The following PIEZO2 variants were observed in gnomAD, a reference collection of about 807,000 sequenced individuals.
The protein encoded by PIEZO2 is piezo type mechanosensitive ion channel component 2.
In PIEZO2, 172 loss-of-function variants were observed where a neutral mutation model predicts 337.3. The observed-to-expected ratio is 0.51, with a 90% CI of 0.45 to 0.58. The LOEUF (loss-of-function observed/expected upper bound fraction) is 0.58. Among genes scored for constraint, PIEZO2 ranks in the 20% least tolerant of loss-of-function variants. PIEZO2 has a pLI of 0.00. For synonymous variants in PIEZO2, 1,251 were observed against 1,228.5 expected (o/e 1.02, Z -0.38); for missense variants, 3,028 against 3,391.3 (o/e 0.89, Z 2.66).
At position 10,903,404 on chromosome 18, in the gene PIEZO2, A is replaced by T. The variant is rs1322082137; in HGVS notation, c.329+7782T>A. On this transcript the variant is annotated intron_variant, in intron 4 of 55. Coordinates refer to ENST00000674853, the MANE Select transcript of PIEZO2 (RefSeq NM_001378183.1). The surrounding 1 kb of genome is among the most constrained non-coding windows in gnomAD (Gnocchi z 4.1). ...GATTCAAGGCCAGGCACGGTGGCTCACGCCTGTAATCCCAGCACTTTGAGA... is the reference window on the plus strand; with the variant it reads ...GATTCAAGGCCAGGCACGGTGGCTCTCGCCTGTAATCCCAGCACTTTGAGA... Among the ~76,000 whole-genome samples the T allele has an allele frequency of 1.3e-5, 2 of 152,188 alleles. No individual in the cohort carries two copies. Among genetic ancestry groups the T allele is most frequent in the African/African-American group, 4.8e-5 (2 of 41,440 alleles).
At chr18:11,041,900 G>T (rs117099074) in intron 2 of PIEZO2, among the ~76,000 whole-genome samples, 1,780 of 152,294 alleles carry the variant, frequency 0.012, 30 homozygotes, top group Non-Finnish European at 0.019. Flanking sequence ...CTCTAGGACT[G>T]AGCAGAAAGA....
At chr18:11,017,790 C>G (rs1388691279) in intron 2 of PIEZO2, among the ~76,000 whole-genome samples, 3 of 152,086 alleles carry the variant, frequency 2.0e-5, no homozygotes, top group Non-Finnish European at 4.4e-5. Context: ...GATCTAAGTG[C>G]TTAGGCATTG....
At chr18:10,958,632 C>T (rs1284078753) in intron 3 of PIEZO2, among the ~76,000 whole-genome samples, 2 of 152,206 alleles carry the variant, frequency 1.3e-5, no homozygotes, top group East Asian at 1.9e-4. Flanking sequence ...ATCAAAACAT[C>T]GCCTCATACC....
chr18:10,782,572 T>C (rs1031177734), intron 17 of PIEZO2, among the ~76,000 whole-genome samples: 7 of 144,746 alleles, frequency 4.8e-5, no homozygotes, highest in African/African-American at 1.8e-4. Context: ...TGAAATCCTA[T>C]GTCCTTAAAC....
In PIEZO2 at chr18:10,703,975, C is replaced by G. The variant is rs149276488; in HGVS notation, c.6258+419G>C. ...TTTAACACAGGGTCCATTCACTGAA[C>G]CCCCGGTGGCGCCAGGCATTGTGCT... is the stretch of plus-strand genomic sequence containing the variant. On this transcript the variant is annotated intron_variant, in intron 42 of 55. Transcript: ENST00000674853. Among the ~76,000 whole-genome samples the G allele has an allele frequency of 6.0e-4, 91 of 152,278 alleles. No homozygotes were observed. The East Asian group carries it at 9.1e-3, about 15-fold the overall frequency.
In PIEZO2 at chr18:11,116,609, G is replaced by A. The variant is rs1568387260; in HGVS notation, c.64+31916C>T. ...GGGGGGCCTGTAGTCCCAGCTACTC[G>A]GGAGGCTGAGGCAGGAGAATGGCGT... On this transcript the variant is annotated intron_variant, in intron 1 of 55. Transcript: ENST00000674853. This position sits in a 1 kb window ranked among gnomAD's most constrained non-coding sequence, Gnocchi z 5.0. Among the ~76,000 whole-genome samples the A allele has an allele frequency of 1.3e-5, 2 of 151,928 alleles. No individual in the cohort carries two copies. Among genetic ancestry groups the A allele is most frequent in the Non-Finnish European group, 2.9e-5 (2 of 67,970 alleles).
chr18:10,696,451 T>G lies in PIEZO2; in HGVS notation c.6916A>C (p.Met2306Leu). The change falls in exon 46 of 56, where the codon ATG becomes CTG. Residue 2306 changes from methionine (M) to leucine (L), a missense_variant. Coordinates refer to ENST00000674853, the MANE Select transcript of PIEZO2 (RefSeq NM_001378183.1). Reference protein sequence around the residue: ...YSAVTDVYVLMFLADTVDFII... With the variant: ...YSAVTDVYVLLFLADTVDFII... ...AAGTCCACAGTGTCAGCCAGGAACA[T>G]GAGTACATACACGTCAGTCACGGCG... 3 of 1,614,192 alleles carry G rather than the reference T, an allele frequency of 1.9e-6. No homozygotes were observed. Among genetic ancestry groups the G allele is most frequent in the African/African-American group, 2.7e-5 (2 of 75,048 alleles).
chr18:11,092,987 C>T lies in PIEZO2; in HGVS notation c.65-26765G>A, dbSNP rs2039142849. Among the ~76,000 whole-genome samples the T allele has an allele frequency of 6.6e-6, 1 of 152,130 alleles. No homozygotes were observed. The highest frequency in any genetic ancestry group is 6.5e-5 in the Admixed American group (1 of 15,272). On this transcript the variant is annotated intron_variant, in intron 1 of 55. Coordinates refer to ENST00000674853, the MANE Select transcript of PIEZO2 (RefSeq NM_001378183.1). The surrounding 1 kb of genome is among the most constrained non-coding windows in gnomAD (Gnocchi z 4.5). ...CCCCAAAGCCTAACGAGCCCAAGAGCTTATAATATCGAGTGTGTTTGAGGT... is the reference window on the plus strand; with the variant it reads ...CCCCAAAGCCTAACGAGCCCAAGAGTTTATAATATCGAGTGTGTTTGAGGT...
chr18:10,986,661 G>A (rs914404247), intron 2 of PIEZO2, among the ~76,000 whole-genome samples: 15 of 151,894 alleles, frequency 9.9e-5, no homozygotes, highest in African/African-American at 3.6e-4. Flanking sequence ...TCTAACATCA[G>A]GAACAGTAGC....
At chr18:10,792,331 A>G (rs770493847) in intron 13 of PIEZO2, among the ~76,000 whole-genome samples, 94 of 152,196 alleles carry the variant, frequency 6.2e-4, no homozygotes, top group Admixed American at 1.4e-3. Context: ...TGTCTAATTC[A>G]GTGGTTTTTA....
Position 10,929,433 on chromosome 18 carries a change from T to C in PIEZO2, c.287-18205A>G, listed in dbSNP as rs1279304650. Among the ~76,000 whole-genome samples the C allele has an allele frequency of 6.6e-6, 1 of 152,226 alleles. No homozygotes were observed. The highest frequency in any genetic ancestry group is 2.1e-4 in the South Asian group (1 of 4,824). On this transcript the variant is annotated intron_variant, in intron 3 of 55. Transcript: ENST00000674853. This position sits in a 1 kb window ranked among gnomAD's most constrained non-coding sequence, Gnocchi z 5.6. ...TCAGATTCAGACATGTTTTCCCATA[T>C]CTTTAAGTAAGATTGGAATGTTTGA...
Position 10,834,398 on chromosome 18 carries a change from A to AC in PIEZO2, c.917+20954dup, listed in dbSNP as rs1227092303. 2.0e-5 allele frequency among the ~76,000 whole-genome samples: 3 copies of AC among 152,144 alleles called. No individual in the cohort carries two copies. In the East Asian group the frequency reaches 5.8e-4, roughly 29 times the overall value. On this transcript the variant is annotated intron_variant, in intron 7 of 55. Coordinates refer to ENST00000674853, the MANE Select transcript of PIEZO2 (RefSeq NM_001378183.1). The surrounding 1 kb of genome is among the most constrained non-coding windows in gnomAD (Gnocchi z 4.5). ...GGGAGGATTAAATGAAGTAACTAGCACCCGACAATACTATGTGCTCAATAC... is the reference window on the plus strand; with the variant it reads ...GGGAGGATTAAATGAAGTAACTAGCACCCCGACAATACTATGTGCTCAATAC...
At position 10,980,750 on chromosome 18, in the gene PIEZO2, A is replaced by G. The variant is rs2034632262; in HGVS notation, c.161-1090T>C. Among the ~76,000 whole-genome samples the G allele has an allele frequency of 1.3e-5, 2 of 152,206 alleles. No homozygotes were observed. Among genetic ancestry groups the G allele is most frequent in the South Asian group, 4.1e-4 (2 of 4,834 alleles). On this transcript the variant is annotated intron_variant, in intron 2 of 55. Coordinates refer to ENST00000674853, the MANE Select transcript of PIEZO2 (RefSeq NM_001378183.1). This position sits in a 1 kb window ranked among gnomAD's most constrained non-coding sequence, Gnocchi z 4.8. ...AATAATCAAAAAGAAATAAGATGCAATTTTATTAGCAAAAAAATTGAAAAG... is the reference window on the plus strand; with the variant it reads ...AATAATCAAAAAGAAATAAGATGCAGTTTTATTAGCAAAAAAATTGAAAAG...
In PIEZO2 at chr18:11,009,415, C is replaced by T. The variant is rs1568290675; in HGVS notation, c.161-29755G>A. ...TGTAAAAGCTCCCTCGGTAATTCCA[C>T]AGTGAGCCAGGGCTGAGAACCACTG... On this transcript the variant is annotated intron_variant, in intron 2 of 55. Coordinates refer to ENST00000674853, the MANE Select transcript of PIEZO2 (RefSeq NM_001378183.1). This position sits in a 1 kb window ranked among gnomAD's most constrained non-coding sequence, Gnocchi z 4.6. Among the ~76,000 whole-genome samples, 1 of 152,176 alleles carries T rather than the reference C, an allele frequency of 6.6e-6. No homozygotes were observed. Among genetic ancestry groups the T allele is most frequent in the Non-Finnish European group, 1.5e-5 (1 of 68,036 alleles).
intron 3 of PIEZO2, among the ~76,000 whole-genome samples, chr18:10,935,914 A>G (rs1357498254): frequency 1.3e-5 from 2 of 152,206 alleles, no homozygotes; most frequent in Non-Finnish European, 2.9e-5. Flanking sequence ...AACTTTCAGT[A>G]CTGTCATTTT....
chr18:10,752,680 T>TCAGCCAGTCC lies in PIEZO2; in HGVS notation c.4113_4122dup (p.Ile1375GlyfsTer32). 2.6e-6 allele frequency: 4 copies of TCAGCCAGTCC among 1,537,244 alleles called. No individual in the cohort carries two copies. Among genetic ancestry groups the TCAGCCAGTCC allele is most frequent in the Non-Finnish European group, 3.5e-6 (4 of 1,146,906 alleles). On this transcript the variant is annotated frameshift_variant, in exon 28 of 56. Coordinates refer to ENST00000674853, the MANE Select transcript of PIEZO2 (RefSeq NM_001378183.1). LOFTEE classifies it high-confidence loss of function. ...GTAATCACAAAAACGTTGTATGCGA[T>TCAGCCAGTCC]CAGCCAGTCCCAGTAGCGCAGGATG...
intron 7 of PIEZO2, among the ~76,000 whole-genome samples, chr18:10,845,200 G>GTATATA (rs143358954): frequency 6.7e-6 from 1 of 149,130 alleles, no homozygotes; most frequent in Admixed American, 6.7e-5. Flanking sequence ...GTGTGTGTGT[G>GTATATA]TATATATATA....
At chr18:11,059,662 G>A (rs1437467694) in intron 2 of PIEZO2, among the ~76,000 whole-genome samples, 2 of 152,086 alleles carry the variant, frequency 1.3e-5, no homozygotes, top group Non-Finnish European at 2.9e-5. Flanking sequence ...GACAAAGAAG[G>A]CCATTACATA....
At position 10,683,269 on chromosome 18, in the gene PIEZO2, T is replaced by C. The variant is rs182089781; in HGVS notation, c.7498-977A>G. On this transcript the variant is annotated intron_variant, in intron 49 of 55. Coordinates refer to ENST00000674853, the MANE Select transcript of PIEZO2 (RefSeq NM_001378183.1). Reference sequence around the variant, plus strand: ...TAGATTACACACCAGGAGAGAGACCTGGGAGTCAGTACAGGACATGACTAC... The same window carrying C: ...TAGATTACACACCAGGAGAGAGACCCGGGAGTCAGTACAGGACATGACTAC... Among the ~76,000 whole-genome samples the C allele has an allele frequency of 3.0e-4, 46 of 152,378 alleles. 2 individuals are homozygous for C. The East Asian group carries it at 8.3e-3, about 27-fold the overall frequency.
Sources: gnomAD v4.1 joint callset for allele counts (sites outside exome capture counted in the v4.1 genomes callset) on GRCh38, gnomAD v4.1.1 for gene constraint, Gnocchi (gnomAD v3.1) non-coding constraint, MANE v1.5 for transcripts, NCBI Gene and HGNC (gene_info 2026-07-23, HGNC 2026-07-21) for gene names.